KANSL1: variants seen among roughly 807,000 people sequenced by gnomAD.
The protein encoded by KANSL1 is MLL1/MLL complex subunit KANSL1.
A neutral mutation model predicts 103.6 loss-of-function variants in KANSL1; 22 were observed. The ratio of observed to expected loss-of-function variants is 0.21; its 90% CI spans 0.15 to 0.30. KANSL1 has a LOEUF of 0.30. KANSL1 is among the 10% of genes least tolerant of loss of function. The pLI is 1.00. For synonymous variants in KANSL1, 600 were observed against 527.6 expected, an observed-to-expected ratio of 1.14 and a Z score of -1.88; for missense variants, 1,337 against 1,399.8, an observed-to-expected ratio of 0.96 and a Z score of 0.72.
intron 10 of KANSL1, among the ~76,000 whole-genome samples, chr17:46,036,793 C>G (rs1437807689): frequency 1.3e-5 from 2 of 151,806 alleles, no homozygotes; most frequent in African/African-American, 4.8e-5. Flanking sequence ...GATCTCCGCT[C>G]ACTGGAACCT....
intron 4 of KANSL1, among the ~76,000 whole-genome samples, chr17:46,077,241 T>C (rs74481389): frequency 0.14 from 21,791 of 152,156 alleles, 2,132 homozygotes; most frequent in Non-Finnish European, 0.22. Context: ...TTTGTAGAGA[T>C]GGGGTTTCGT....
intron 1 of KANSL1, among the ~76,000 whole-genome samples, chr17:46,205,861 T>G (rs2047949616): frequency 6.6e-6 from 1 of 151,864 alleles, no homozygotes; most frequent in Non-Finnish European, 1.5e-5. Context: ...GTGGGCTGCT[T>G]GAGCGCAGAA....
chr17:46,076,169 C>T (rs926135110), intron 4 of KANSL1, among the ~76,000 whole-genome samples: 3 of 152,182 alleles, frequency 2.0e-5, no homozygotes, highest in African/African-American at 7.2e-5. Flanking sequence ...GAGAGTGTGA[C>T]TCCTCCAATT....
At chr17:46,203,177 G>A (rs991222331) in intron 1 of KANSL1, among the ~76,000 whole-genome samples, 19 of 152,208 alleles carry the variant, frequency 1.2e-4, no homozygotes, top group Non-Finnish European at 2.2e-4. Context: ...AGAGGTTGCA[G>A]TGTCAGTGAG....
chr17:46,073,814 A>C (rs1263612924), intron 4 of KANSL1, among the ~76,000 whole-genome samples: 1 of 151,836 alleles, frequency 6.6e-6, no homozygotes, highest in Non-Finnish European at 1.5e-5. Context: ...CTGTACAAAA[A>C]TATTGTACTC....
chr17:46,097,400 CAAAT>C (rs578247378), intron 2 of KANSL1, among the ~76,000 whole-genome samples: 163 of 152,244 alleles, frequency 1.1e-3, no homozygotes, highest in African/African-American at 3.7e-3. Context: ...CAAAAATAAA[CAAAT>C]AAACATTAAT....
intron 2 of KANSL1, among the ~76,000 whole-genome samples, chr17:46,131,527 T>G (rs186062768): frequency 2.8e-4 from 43 of 152,328 alleles, no homozygotes; most frequent in East Asian, 1.7e-3. Context: ...GAAACCTGAG[T>G]GCCTACTGTG....
intron 2 of KANSL1, among the ~76,000 whole-genome samples, chr17:46,125,004 AAAGGG>A (rs150649471): frequency 0.23 from 22,282 of 97,608 alleles, 4,322 homozygotes; most frequent in Non-Finnish European, 0.33. Context: ...GGAAGGAAAG[AAAGGG>A]AAGGGAAGGG....
At chr17:46,198,411 C>A (rs2147967982), upstream of KANSL1, among the ~76,000 whole-genome samples, 1 of 135,298 alleles carries the variant, frequency 7.4e-6, no homozygotes, top group East Asian at 2.2e-4. Flanking sequence ...AGGACTTGGA[C>A]CTACTTTAAT....
chr17:46,052,699 C>CT (rs994793598), intron 6 of KANSL1, among the ~76,000 whole-genome samples: 1 of 149,164 alleles, frequency 6.7e-6, no homozygotes, highest in African/African-American at 2.5e-5. Context: ...AATCCCAAAA[C>CT]TTTGAGGTGG....
At chr17:46,148,364 A>G (rs2044852461) in intron 2 of KANSL1, 1 of 152,228 alleles carries the variant, frequency 6.6e-6, no homozygotes, top group Non-Finnish European at 1.5e-5. Context: ...CAATTTTAAT[A>G]TGTTCACATA....
rs755595611 is a variant in KANSL1 at position 46,067,660 on chromosome 17, G to A, written c.1541C>T (p.Ser514Phe). 10 of 1,511,336 alleles carry A rather than the reference G, an allele frequency of 6.6e-6. No homozygotes were observed. Among genetic ancestry groups the A allele is most frequent in the Non-Finnish European group, 9.2e-6 (10 of 1,087,278 alleles). The allele number at this position is 1,511,336 out of a possible 1,614,324, so 93.6% of individuals were successfully genotyped here. Residue 514 changes from serine (S) to phenylalanine (F), a missense_variant, in exon 5 of 15, where the codon TCT becomes TTT. Coordinates refer to ENST00000432791, the MANE Select transcript of KANSL1 (RefSeq NM_015443.4). Reference sequence around the variant, plus strand: ...ATGGTTTTCCAATGGCTGAGAAACAGACTCAATCTGATTAAGAAAAAGGAA... The same window carrying A: ...ATGGTTTTCCAATGGCTGAGAAACAAACTCAATCTGATTAAGAAAAAGGAA... ...TDHGTDKLIE[S>F]VSQPLENHGA...
At chr17:46,191,436 C>G (rs2047317020) in intron 1 of KANSL1, among the ~76,000 whole-genome samples, 1 of 152,198 alleles carries the variant, frequency 6.6e-6, no homozygotes. Flanking sequence ...AAAACACACC[C>G]ACTTAAGCCT....
intron 2 of KANSL1, among the ~76,000 whole-genome samples, chr17:46,126,730 A>AT (rs1460281278): frequency 1.3e-5 from 2 of 152,232 alleles, no homozygotes; most frequent in Non-Finnish European, 2.9e-5. Flanking sequence ...TTATGTGTGC[A>AT]TAAGAAATGT....
chr17:46,165,632 T>C (rs1343441860), intron 2 of KANSL1, among the ~76,000 whole-genome samples: 1 of 151,992 alleles, frequency 6.6e-6, no homozygotes, highest in Non-Finnish European at 1.5e-5. Context: ...TGCTTCAACC[T>C]CCCAAGTAGC....
intron 1 of KANSL1, among the ~76,000 whole-genome samples, chr17:46,175,322 G>C (rs1280549206): frequency 3.9e-5 from 4 of 103,356 alleles, no homozygotes; most frequent in Admixed American, 1.0e-4. Flanking sequence ...GTGTGTGTGT[G>C]TGTGTGTGTG....
Position 46,213,696 on chromosome 17 carries a change from T to C in KANSL1, c.-90+9975A>G, listed in dbSNP as rs543745560. Among the ~76,000 whole-genome samples the C allele has an allele frequency of 2.7e-5, 4 of 150,752 alleles. No homozygotes were observed. In the South Asian group the frequency reaches 8.5e-4, roughly 32 times the overall value. ...CTTTGTGGAGGCCGAGGTGGGTGGA[T>C]CACCTGAGGTCAGGAGTTCAAGACC... On this transcript the variant is annotated intron_variant, in intron 1 of 14. Coordinates refer to the KANSL1 transcript ENST00000572904.
chr17:46,069,164 G>C (rs1055022139), intron 4 of KANSL1, among the ~76,000 whole-genome samples: 1 of 152,078 alleles, frequency 6.6e-6, no homozygotes, highest in South Asian at 2.1e-4. Context: ...GACCTCAACT[G>C]ATCTGCCCTC....
At position 46,031,345 on chromosome 17, in the gene KANSL1, G is replaced by T; in HGVS notation, c.*131C>A. ...AACAAGAAAAAAAAATACCAAAGTA[G>T]GATCTAAATTCCTTAAGTTCACTAA... On this transcript the variant is annotated 3_prime_UTR_variant, in exon 15 of 15. Coordinates refer to ENST00000432791, the MANE Select transcript of KANSL1 (RefSeq NM_015443.4). The T allele has an allele frequency of 1.2e-6, 1 of 832,752 alleles. No homozygotes were observed. Among genetic ancestry groups the T allele is most frequent in the Non-Finnish European group, 1.8e-6 (1 of 546,142 alleles). 51.6% of individuals were successfully genotyped at this position (832,752 alleles called of 1,614,324 possible). A position where few individuals can be genotyped will look rare whatever the true frequency, so the allele number is the denominator to read the frequency against.
Sources: gnomAD v4.1 joint callset for allele counts (sites outside exome capture counted in the v4.1 genomes callset) on GRCh38, gnomAD v4.1.1 for gene constraint, MANE v1.5 for transcripts, NCBI Gene and HGNC (gene_info 2026-07-23, HGNC 2026-07-21) for gene names.